The following ALS2 variants were observed in gnomAD, a reference collection of about 807,000 sequenced individuals.
ALS2 encodes alsin Rho guanine nucleotide exchange factor ALS2.
In ALS2, 117 loss-of-function variants were observed where a neutral mutation model predicts 203.4. The observed-to-expected ratio is 0.58, with a 90% confidence interval of 0.50 to 0.67. The LOEUF is 0.67. Among genes scored for constraint, ALS2 ranks in the 30% least tolerant of loss-of-function variants. The probability of loss-of-function intolerance (pLI) is 0.00; values close to 1 mark genes in which losing one functional copy is unlikely to be tolerated. For missense variants in ALS2, 1,715 were observed against 1,989.4 expected (o/e 0.86, Z 2.62); for synonymous variants, 718 against 725.9 (o/e 0.99, Z 0.17).
At chr2:201,759,308 G>C in intron 4 of ALS2, 1 of 816,644 alleles carries the variant, frequency 1.2e-6, no homozygotes, top group Non-Finnish European at 1.5e-6. Flanking sequence ...TAATACTTTG[G>C]TTTATTTCCC....
At chr2:201,741,109 G>C (rs1475547472) in intron 11 of ALS2, 1 of 153,998 alleles carries the variant, frequency 6.5e-6, no homozygotes, top group East Asian at 1.9e-4. Flanking sequence ...TTAAGAAAAC[G>C]TGAGAAACAT....
chr2:201,741,971 A>C, intron 10 of ALS2, 117 bp from the exon 11 acceptor site: 2 of 908,002 alleles, frequency 2.2e-6, no homozygotes, highest in Admixed American at 2.0e-5. Flanking sequence ...ATGTGCTCTC[A>C]ACTAAGGAAC....
rs1692481779 is a variant in ALS2, at chr2:201,744,243, G to C, written c.2170+15C>G. 2 of 1,610,636 alleles carry C rather than the reference G, an allele frequency of 1.2e-6. No individual in the cohort carries two copies. The highest frequency in any genetic ancestry group is 1.3e-5 in the African/African-American group (1 of 74,814). On this transcript the variant is annotated intron_variant, in intron 10 of 33. Transcript: ENST00000264276. The stretch of plus-strand genomic sequence containing the variant: ...CTGATGGTTTAATGGTGGGAGAGAG[G>C]GGGTTGCAACTTACCTAAACTGAGA...
At chr2:201,719,749 A>G (rs561306437) in intron 23 of ALS2, among the ~76,000 whole-genome samples, 1 of 152,330 alleles carries the variant, frequency 6.6e-6, no homozygotes, top group East Asian at 1.9e-4. Flanking sequence ...CCAGCTTGCA[A>G]AATTGTGAAG....
At chr2:201,752,668 G>C (rs958405282) in intron 7 of ALS2, among the ~76,000 whole-genome samples, 5 of 151,676 alleles carry the variant, frequency 3.3e-5, no homozygotes, top group African/African-American at 4.8e-5. Flanking sequence ...GAGCAGTCTG[G>C]GTTTAAAAAA....
chr2:201,776,598 G>A (rs1694672841), intron 1 of ALS2, among the ~76,000 whole-genome samples: 1 of 152,034 alleles, frequency 6.6e-6, no homozygotes, highest in Non-Finnish European at 1.5e-5. Flanking sequence ...GTCCTGGTAA[G>A]TCCTGACACA....
In ALS2 at chr2:201,768,937, T is replaced by C; in HGVS notation, c.-52A>G. 6.4e-7 allele frequency: 1 copy of C among 1,559,002 alleles called. No individual in the cohort carries two copies. The highest frequency in any genetic ancestry group is 1.1e-5 in the South Asian group (1 of 89,688). Reference sequence around the variant, plus strand: ...AATCATTCCTTCTTTACAGAAAGTCTATCAAGACCTAAACAGTACAAGTAA... The same window carrying C: ...AATCATTCCTTCTTTACAGAAAGTCCATCAAGACCTAAACAGTACAAGTAA... On this transcript the variant is annotated 5_prime_UTR_variant, in exon 2 of 34. The change creates a new upstream start codon in the 5' untranslated region. Coordinates refer to ENST00000264276, the MANE Select transcript of ALS2 (RefSeq NM_020919.4).
At chr2:201,710,479 T>C (rs1689971235) in intron 26 of ALS2, among the ~76,000 whole-genome samples, 1 of 151,928 alleles carries the variant, frequency 6.6e-6, no homozygotes, top group Non-Finnish European at 1.5e-5. Flanking sequence ...CAAATATACT[T>C]TAAACTTCAC....
At chr2:201,707,099 G>A (rs1574659395) in intron 28 of ALS2, 77 bp from the exon 29 acceptor site, 2 of 1,383,434 alleles carry the variant, frequency 1.4e-6, no homozygotes, top group Non-Finnish European at 2.0e-6. Flanking sequence ...TAGAGCTTCA[G>A]TTTCAAAAAG....
chr2:201,729,144 A>G lies in ALS2; in HGVS notation c.2620T>C (p.Cys874Arg), dbSNP rs1691381512. ...AGATGGAGAGCAAGACACTCATAAC[A>G]AGAACTGGAATCCTGCAGTTTCTGA... ...EYQKLQDSSS[C>R]YECLALHLGR... The change falls in exon 14 of 34, where the codon TGT (cysteine) becomes CGT (arginine). Residue 874 changes from cysteine to arginine, a missense_variant. Physicochemically the swap from Cys to Arg is radical, Grantham distance 180. Coordinates refer to ENST00000264276, the MANE Select transcript of ALS2 (RefSeq NM_020919.4). The G allele has an allele frequency of 1.2e-6, 2 of 1,614,056 alleles. No homozygotes were observed. The highest frequency in any genetic ancestry group is 8.5e-7 in the Non-Finnish European group (1 of 1,179,992).
At chr2:201,725,322 A>G in intron 20 of ALS2, 34 bp downstream of exon 20, 1 of 1,566,570 alleles carries the variant, frequency 6.4e-7, no homozygotes, top group Non-Finnish European at 8.8e-7. Context: ...TATATGAAAA[A>G]CAAACACCAG....
chr2:201,720,734 CACAA>C (rs1002162388), intron 23 of ALS2, among the ~76,000 whole-genome samples: 76 of 151,418 alleles, frequency 5.0e-4, no homozygotes, highest in African/African-American at 1.7e-3. Context: ...CACACACACA[CACAA>C]ACACACACAC....
chr2:201,767,866 TAAAAA>T (rs35608860), intron 2 of ALS2, among the ~76,000 whole-genome samples: 2 of 112,100 alleles, frequency 1.8e-5, no homozygotes, highest in Non-Finnish European at 3.6e-5. Context: ...AGACTCTGTC[TAAAAA>T]AAAAAAAAAA....
rs376049826 is a variant in ALS2 at position 201,766,470 on chromosome 2, A to T, written c.175+759T>A. The stretch of plus-strand genomic sequence containing the variant: ...AGACCAGCCTGGCCAACATGGTGAA[A>T]CCCCATCTCTACTAAAAATACCAAA... On this transcript the variant is annotated intron_variant, in intron 3 of 33. Coordinates refer to ENST00000264276, the MANE Select transcript of ALS2 (RefSeq NM_020919.4). Among the ~76,000 whole-genome samples the T allele has an allele frequency of 1.3e-4, 20 of 151,598 alleles. No homozygotes were observed. The East Asian group carries it at 4.0e-3, about 30-fold the overall frequency.
intron 1 of ALS2, 127 bp from the exon 2 acceptor site, chr2:201,769,072 A>C: frequency 1.8e-6 from 1 of 543,056 alleles, no homozygotes; most frequent in Admixed American, 3.4e-5. Context: ...AAAACTATTT[A>C]AACTATTTCA....
chr2:201,760,789 C>T, intron 4 of ALS2, 92 bp downstream of exon 4: 1 of 1,476,932 alleles, frequency 6.8e-7, no homozygotes, highest in Non-Finnish European at 9.0e-7. Flanking sequence ...ATAAAAAATG[C>T]TACCAAGCCT....
intron 3 of ALS2, among the ~76,000 whole-genome samples, chr2:201,764,634 AAAATAAAT>A (rs201734315): frequency 0.15 from 21,840 of 142,104 alleles, 1,852 homozygotes; most frequent in South Asian, 0.29. Context: ...ACTCCGTCTC[AAAATAAAT>A]AAATAAATAA....
At chr2:201,773,840 G>A (rs537743735) in intron 1 of ALS2, among the ~76,000 whole-genome samples, 12 of 152,308 alleles carry the variant, frequency 7.9e-5, no homozygotes, top group African/African-American at 2.2e-4. Context: ...GTGGTCTGCC[G>A]TGGGCACATG....
At chr2:201,772,872 T>TTTTTC (rs577051693) in intron 1 of ALS2, among the ~76,000 whole-genome samples, 2 of 106,038 alleles carry the variant, frequency 1.9e-5, no homozygotes, top group Non-Finnish European at 2.1e-5. Context: ...TTTTTTTTTT[T>TTTTTC]CATTTTTGAG....
Sources: gnomAD v4.1 joint callset for allele counts (sites outside exome capture counted in the v4.1 genomes callset) on GRCh38, gnomAD v4.1.1 for gene constraint, MANE v1.5 for transcripts, NCBI Gene and HGNC (gene_info 2026-07-23, HGNC 2026-07-21) for gene names.